RNF212B: variants seen among roughly 807,000 people sequenced by gnomAD.
RNF212B encodes the protein ring finger protein 212B.
Under a neutral mutation model 55.5 loss-of-function variants are expected in RNF212B, and 52 were observed. The ratio of observed to expected loss-of-function variants is 0.94; its 90% CI spans 0.75 to 1.18. RNF212B has a LOEUF of 1.18. Among genes scored for constraint, RNF212B ranks in the 50% most tolerant of loss-of-function variants. The pLI is 0.00. For synonymous variants in RNF212B, 99 were observed against 121.4 expected, an observed-to-expected ratio of 0.82 and a Z score of 1.21; for missense variants, 289 against 350.4, an observed-to-expected ratio of 0.82 and a Z score of 1.40.
chr14:23,254,882 T>G (rs888570382), intron 4 of RNF212B, among the ~76,000 whole-genome samples: 1 of 152,254 alleles, frequency 6.6e-6, no homozygotes, highest in Admixed American at 6.5e-5. Context: ...AACTGAAGTT[T>G]TAATATGCTC....
intron 2 of RNF212B, among the ~76,000 whole-genome samples, chr14:23,224,491 T>C (rs1881839358): frequency 6.6e-6 from 1 of 151,218 alleles, no homozygotes; most frequent in Non-Finnish European, 1.5e-5. Context: ...GCCAACAACG[T>C]ACACTGGGGA....
At chr14:23,213,139 C>T (rs886421933) in intron 2 of RNF212B, among the ~76,000 whole-genome samples, 1 of 151,868 alleles carries the variant, frequency 6.6e-6, no homozygotes, top group Middle Eastern at 3.4e-3. Context: ...AGTGAAACCC[C>T]GTCTCTACTA....
At chr14:23,216,328 AT>A (rs1400504233) in intron 2 of RNF212B, among the ~76,000 whole-genome samples, 2 of 152,172 alleles carry the variant, frequency 1.3e-5, no homozygotes, top group Non-Finnish European at 2.9e-5. Flanking sequence ...TAAAAATGCA[AT>A]TCTAAACAAT....
At chr14:23,266,404 GTTTTTTTTTTT>G (rs57731750) in intron 11 of RNF212B, among the ~76,000 whole-genome samples, 3 of 46,888 alleles carry the variant, frequency 6.4e-5, no homozygotes, top group East Asian at 5.7e-4. Context: ...CCTTTTAAAT[GTTTTTTTTTTT>G]TTTTTTTTTT....
At chr14:23,207,925 G>T (rs984935506) in intron 2 of RNF212B, among the ~76,000 whole-genome samples, 2 of 152,202 alleles carry the variant, frequency 1.3e-5, no homozygotes, top group Admixed American at 6.5e-5. Flanking sequence ...CAGACTCTAA[G>T]CGGAGAGGGG....
chr14:23,223,814 T>C (rs771430941), intron 2 of RNF212B, among the ~76,000 whole-genome samples: 1 of 152,224 alleles, frequency 6.6e-6, no homozygotes, highest in Non-Finnish European at 1.5e-5. Context: ...TTGTTTGCAG[T>C]TGTCATAATT....
chr14:23,198,601 G>T (rs147739962), intron 2 of RNF212B, among the ~76,000 whole-genome samples: 1 of 151,722 alleles, frequency 6.6e-6, no homozygotes, highest in African/African-American at 2.4e-5. Context: ...ACTTGAACCT[G>T]GGAAGCAGAG....
intron 2 of RNF212B, among the ~76,000 whole-genome samples, chr14:23,222,748 A>C (rs995071415): frequency 6.6e-6 from 1 of 152,182 alleles, no homozygotes; most frequent in African/African-American, 2.4e-5. Context: ...AAATTCAACA[A>C]TACATTAAAA....
intron 6 of RNF212B, among the ~76,000 whole-genome samples, 178 bp downstream of exon 6, chr14:23,260,122 C>T (rs1885186622): frequency 6.6e-6 from 1 of 152,114 alleles, no homozygotes; most frequent in Non-Finnish European, 1.5e-5. Context: ...CCTTGGGGGA[C>T]TGAAAGGATC....
At chr14:23,249,098 G>C (rs1884221806) in intron 4 of RNF212B, among the ~76,000 whole-genome samples, 1 of 152,002 alleles carries the variant, frequency 6.6e-6, no homozygotes, top group African/African-American at 2.4e-5. Flanking sequence ...GCTGACCCTT[G>C]GTCTATTTTA....
chr14:23,199,474 C>T (rs929274521), intron 2 of RNF212B, among the ~76,000 whole-genome samples: 1 of 152,132 alleles, frequency 6.6e-6, no homozygotes, highest in Non-Finnish European at 1.5e-5. Context: ...CTTGACTATT[C>T]CCTTTAGCTT....
chr14:23,224,270 C>T (rs1209066429), intron 2 of RNF212B, among the ~76,000 whole-genome samples: 1 of 150,448 alleles, frequency 6.6e-6, no homozygotes, highest in African/African-American at 2.4e-5. Context: ...TTGTATGAAA[C>T]AACAGAAGAC....
At chr14:23,264,106 A>G in intron 9 of RNF212B, 68 bp from the exon 10 acceptor site, 1 of 1,344,580 alleles carries the variant, frequency 7.4e-7, no homozygotes, top group Non-Finnish European at 1.0e-6. Flanking sequence ...CAAAACAAAA[A>G]AACAACAACA....
At chr14:23,228,462 CAAAAAAAAAAAA>C (rs776673043) in intron 2 of RNF212B, among the ~76,000 whole-genome samples, 1 of 76,100 alleles carries the variant, frequency 1.3e-5, no homozygotes, top group East Asian at 3.8e-4. Context: ...CTATCTCTAC[CAAAAAAAAAAAA>C]AAAAAAAAAA....
rs1037513557 is a variant in RNF212B at position 23,202,668 on chromosome 14, G to A, written c.-2+9267G>A. Among the ~76,000 whole-genome samples, 6 of 152,098 alleles carry A rather than the reference G, an allele frequency of 3.9e-5. No homozygotes were observed. The South Asian group carries it at 6.2e-4, about 16-fold the overall frequency. ...AGATCGAGACCACCCTGGCTTACAC[G>A]GTGAAACCCTGTCTCTACTAAAAAT... On this transcript the variant is annotated intron_variant, in intron 2 of 15. Transcript: ENST00000399910.
intron 2 of RNF212B, among the ~76,000 whole-genome samples, chr14:23,214,065 G>A (rs1880834286): frequency 6.6e-6 from 1 of 152,214 alleles, no homozygotes; most frequent in Admixed American, 6.5e-5. Context: ...CGAGGTTGTA[G>A]TGTGCTGTAA....
chr14:23,219,815 G>A (rs74633866), intron 2 of RNF212B, among the ~76,000 whole-genome samples: 24,710 of 151,964 alleles, frequency 0.16, 2,040 homozygotes, highest in Non-Finnish European at 0.18. Flanking sequence ...TATGCAATCA[G>A]TGTTGTCATC....
chr14:23,188,443 G>A (rs1422581501), intron 1 of RNF212B: 1 of 141,228 alleles, frequency 7.1e-6, no homozygotes, highest in East Asian at 2.1e-4. Flanking sequence ...TTTTCATTAT[G>A]TTTGACAAAG....
chr14:23,203,092 C>G (rs1879473415), intron 2 of RNF212B, among the ~76,000 whole-genome samples: 1 of 151,980 alleles, frequency 6.6e-6, no homozygotes, highest in Non-Finnish European at 1.5e-5. Context: ...AAGCAGTATA[C>G]ACTGCACCCT....
Sources: gnomAD v4.1 joint callset for allele counts (sites outside exome capture counted in the v4.1 genomes callset) on GRCh38, gnomAD v4.1.1 for gene constraint, MANE v1.5 for transcripts, NCBI Gene and HGNC (gene_info 2026-07-23, HGNC 2026-07-21) for gene names.